Variants in CAMK4 observed in about 807,000 individuals in gnomAD.
CAMK4 encodes the protein calcium/calmodulin dependent protein kinase IV.
A neutral mutation model predicts 44.9 loss-of-function variants in CAMK4; 22 were observed. The observed-to-expected ratio is 0.49, with a 90% CI of 0.35 to 0.70. The LOEUF (loss-of-function observed/expected upper bound fraction) is 0.70. Among genes scored for constraint, CAMK4 ranks in the 30% least tolerant of loss-of-function variants. CAMK4 has a pLI of 0.01. For synonymous variants in CAMK4, 218 were observed against 215.4 expected (o/e 1.01, Z -0.11); for missense variants, 498 against 586.8 (o/e 0.85, Z 1.56).
chr5:111,448,567 G>A (rs1322870015), intron 6 of CAMK4, among the ~76,000 whole-genome samples: 1 of 152,214 alleles, frequency 6.6e-6, no homozygotes, highest in Non-Finnish European at 1.5e-5. Flanking sequence ...CAGCACTTTG[G>A]GACTGAGGTG....
chr5:111,444,480 T>C (rs1044623609), intron 5 of CAMK4, among the ~76,000 whole-genome samples: 1 of 152,144 alleles, frequency 6.6e-6, no homozygotes, highest in Admixed American at 6.5e-5. Context: ...ATGAAGAGTT[T>C]CTTCATGGAG....
intron 1 of CAMK4, among the ~76,000 whole-genome samples, chr5:111,319,061 A>T (rs1164624040): frequency 6.6e-6 from 1 of 152,172 alleles, no homozygotes; most frequent in Non-Finnish European, 1.5e-5. Flanking sequence ...CCAAGCCAGT[A>T]TTGCAGGTCT....
At chr5:111,446,899 C>A in intron 6 of CAMK4, 123 bp downstream of exon 6, 1 of 716,820 alleles carries the variant, frequency 1.4e-6, no homozygotes, top group Non-Finnish European at 2.6e-6. Flanking sequence ...GAATAATTGA[C>A]ATCTGTAAAG....
intron 1 of CAMK4, among the ~76,000 whole-genome samples, chr5:111,330,162 T>C (rs1179232541): frequency 1.3e-5 from 2 of 149,250 alleles, no homozygotes; most frequent in Non-Finnish European, 3.0e-5. Context: ...GGTTTTAAGA[T>C]AAATGTCACC....
chr5:111,237,406 T>C (rs1300725484), intron 1 of CAMK4, among the ~76,000 whole-genome samples: 1 of 152,252 alleles, frequency 6.6e-6, no homozygotes, highest in Non-Finnish European at 1.5e-5. Context: ...CTTTATGTTG[T>C]TTAGGAGACA....
rs2112521754 is a variant in CAMK4 at position 111,492,673 on chromosome 5, C to T, written c.*8207C>T. On this transcript the variant is annotated 3_prime_UTR_variant, in exon 11 of 11. Transcript: ENST00000282356. ...GTGATTTTCTAATTTTGAAGCTTCCCAGGAGCAGCCCCCTCCAGGAACAAT... is the reference window on the plus strand; with the variant it reads ...GTGATTTTCTAATTTTGAAGCTTCCTAGGAGCAGCCCCCTCCAGGAACAAT... 1 of 152,254 alleles carries T rather than the reference C, an allele frequency of 6.6e-6. No homozygotes were observed. The highest frequency in any genetic ancestry group is 6.5e-5 in the Admixed American group (1 of 15,282). The allele number at this position is 152,254 out of a possible 1,614,324, so 9.4% of individuals were successfully genotyped here. A position where few individuals can be genotyped will look rare whatever the true frequency, so the allele number is the denominator to read the frequency against.
intron 7 of CAMK4, among the ~76,000 whole-genome samples, chr5:111,459,842 A>G (rs976651417): frequency 1.3e-5 from 2 of 151,954 alleles, no homozygotes; most frequent in Non-Finnish European, 2.9e-5. Flanking sequence ...AGCTGGGACT[A>G]CAGGTGCCCG....
chr5:111,319,746 AAC>A (rs1311152567), intron 1 of CAMK4, among the ~76,000 whole-genome samples: 1 of 152,214 alleles, frequency 6.6e-6, no homozygotes, highest in Non-Finnish European at 1.5e-5. Flanking sequence ...TGCTACCTTT[AAC>A]TGATTGTGGT....
intron 7 of CAMK4, among the ~76,000 whole-genome samples, chr5:111,473,107 C>T (rs945795201): frequency 7.4e-5 from 7 of 94,900 alleles, no homozygotes; most frequent in Non-Finnish European, 1.7e-4. Flanking sequence ...TTATTTTATG[C>T]ATCCCAAAAC....
chr5:111,233,634 T>A (rs938484693), intron 1 of CAMK4, among the ~76,000 whole-genome samples: 6 of 152,188 alleles, frequency 3.9e-5, no homozygotes, highest in African/African-American at 1.4e-4. Flanking sequence ...AGAGTGACAA[T>A]AATATGCTAA....
intron 1 of CAMK4, among the ~76,000 whole-genome samples, chr5:111,246,522 C>A (rs1220731705): frequency 6.6e-6 from 1 of 152,170 alleles, no homozygotes; most frequent in Non-Finnish European, 1.5e-5. Context: ...AGATTTATTT[C>A]TCTGCATTTA....
chr5:111,316,153 T>C (rs1226794696), intron 1 of CAMK4, among the ~76,000 whole-genome samples: 2 of 152,136 alleles, frequency 1.3e-5, no homozygotes, highest in East Asian at 3.9e-4. Context: ...ACATCAAAGC[T>C]TTGACATGTG....
chr5:111,293,238 G>A (rs746871516), intron 1 of CAMK4, among the ~76,000 whole-genome samples: 8 of 151,984 alleles, frequency 5.3e-5, no homozygotes, highest in Non-Finnish European at 1.0e-4. Context: ...TGGATTCTGG[G>A]GTGCCCAGAG....
At chr5:111,416,958 C>T (rs1752836363) in intron 5 of CAMK4, among the ~76,000 whole-genome samples, 1 of 152,118 alleles carries the variant, frequency 6.6e-6, no homozygotes, top group African/African-American at 2.4e-5. Flanking sequence ...AGGTGTTCAG[C>T]CAGTCTTCCA....
At chr5:111,376,117 AG>A (rs1437265124) in intron 3 of CAMK4, among the ~76,000 whole-genome samples, 1 of 151,980 alleles carries the variant, frequency 6.6e-6, no homozygotes, top group Non-Finnish European at 1.5e-5. Context: ...TAGGGAGAAA[AG>A]GGCTTTGGGT....
chr5:111,321,449 G>A (rs186150525), intron 1 of CAMK4, among the ~76,000 whole-genome samples: 201 of 152,244 alleles, frequency 1.3e-3, no homozygotes, highest in Admixed American at 2.5e-3. Context: ...TGTTGAAGGA[G>A]TAATTTTCTG....
intron 1 of CAMK4, among the ~76,000 whole-genome samples, chr5:111,338,520 G>A (rs1289010766): frequency 4.0e-5 from 6 of 151,324 alleles, no homozygotes; most frequent in South Asian, 2.1e-4. Context: ...TTTTGAGGAC[G>A]TAGGCAAAAA....
chr5:111,379,149 T>C (rs1751323194), intron 4 of CAMK4, among the ~76,000 whole-genome samples: 1 of 152,134 alleles, frequency 6.6e-6, no homozygotes. Flanking sequence ...CTCATGTTTT[T>C]AAATTATAAA....
intron 2 of CAMK4, among the ~76,000 whole-genome samples, chr5:111,344,615 G>A (rs1673743148): frequency 6.6e-6 from 1 of 151,718 alleles, no homozygotes; most frequent in African/African-American, 2.4e-5. Context: ...GAGTATAATT[G>A]AATTTTATTG....
Sources: gnomAD v4.1 joint callset for allele counts (sites outside exome capture counted in the v4.1 genomes callset) on GRCh38, gnomAD v4.1.1 for gene constraint, MANE v1.5 for transcripts, NCBI Gene and HGNC (gene_info 2026-07-23, HGNC 2026-07-21) for gene names.